PBX1: variants seen among roughly 807,000 people sequenced by gnomAD.
PBX1 encodes the protein PBX homeobox 1.
PBX1 carries 6 observed loss-of-function variants against 53.4 expected under a neutral mutation model. That is an observed-to-expected ratio of 0.11 (90% CI 0.06 to 0.22). PBX1 has a LOEUF of 0.22. Ranked by LOEUF, PBX1 falls within the 10% of genes least tolerant of loss-of-function variation. The pLI is 1.00. For missense variants in PBX1, 251 were observed against 551.4 expected, an observed-to-expected ratio of 0.46 and a Z score of 5.46; for synonymous variants, 204 against 212.3, an observed-to-expected ratio of 0.96 and a Z score of 0.34.
At chr1:164,871,016 A>G (rs1484594964) in intron 2 of PBX1, among the ~76,000 whole-genome samples, 1 of 152,236 alleles carries the variant, frequency 6.6e-6, no homozygotes. Flanking sequence ...TATAATCATT[A>G]TTTCATCCTA....
intron 2 of PBX1, among the ~76,000 whole-genome samples, chr1:164,705,914 G>T (rs1161502268): frequency 6.6e-6 from 1 of 152,158 alleles, no homozygotes; most frequent in Non-Finnish European, 1.5e-5. Context: ...TGTGTGAATG[G>T]CACTTTGATC....
intron 2 of PBX1, among the ~76,000 whole-genome samples, chr1:164,636,841 G>A (rs146880926): frequency 1.1e-4 from 16 of 152,274 alleles, no homozygotes; most frequent in Admixed American, 5.2e-4. Flanking sequence ...GGGAGAAACC[G>A]TGGGCTGAGT....
At chr1:164,721,315 G>A (rs1208597883) in intron 2 of PBX1, among the ~76,000 whole-genome samples, 1 of 151,904 alleles carries the variant, frequency 6.6e-6, no homozygotes, top group Non-Finnish European at 1.5e-5. Flanking sequence ...TATGAACCTG[G>A]GAGCCATGGG....
intron 2 of PBX1, among the ~76,000 whole-genome samples, chr1:164,635,403 G>A (rs537101529): frequency 2.1e-4 from 32 of 152,294 alleles, no homozygotes; most frequent in Admixed American, 1.1e-3. Context: ...TTCTCAGTGC[G>A]ACTTAGTAAA....
chr1:164,563,160 A>C, intron 1 of PBX1, 78 bp from the exon 2 acceptor site: 1 of 986,040 alleles, frequency 1.0e-6, no homozygotes, highest in East Asian at 2.4e-5. Context: ...TAAATGTTCA[A>C]ATGTTTTCAC....
At chr1:164,801,295 T>TGC (rs1669056959) in intron 4 of PBX1, among the ~76,000 whole-genome samples, 1 of 152,302 alleles carries the variant, frequency 6.6e-6, no homozygotes, top group African/African-American at 2.4e-5. Flanking sequence ...GCTTCTGTAA[T>TGC]GCAGCCCGTT....
chr1:164,701,683 A>G (rs183263927), intron 2 of PBX1, among the ~76,000 whole-genome samples: 3 of 152,330 alleles, frequency 2.0e-5, no homozygotes, highest in African/African-American at 7.2e-5. Flanking sequence ...ACTATTCAAG[A>G]GTAATTAAAA....
chr1:164,861,501 C>T (rs140584509), intron 2 of PBX1, among the ~76,000 whole-genome samples: 83 of 152,108 alleles, frequency 5.5e-4, no homozygotes, highest in African/African-American at 1.5e-3. Flanking sequence ...GAACAAATAC[C>T]TCCCCACCGC....
intron 2 of PBX1, among the ~76,000 whole-genome samples, chr1:164,608,332 G>A (rs371146820): frequency 4.6e-5 from 7 of 152,304 alleles, no homozygotes; most frequent in African/African-American, 1.7e-4. Flanking sequence ...CCTGAGTGAG[G>A]TGAGCCACCT....
intron 2 of PBX1, among the ~76,000 whole-genome samples, chr1:164,568,845 A>G (rs1202508277): frequency 6.6e-6 from 1 of 152,228 alleles, no homozygotes; most frequent in Non-Finnish European, 1.5e-5. Flanking sequence ...AGGGGAAAAA[A>G]GGTGCAGGAA....
intron 2 of PBX1, among the ~76,000 whole-genome samples, chr1:164,638,572 A>G (rs1022142810): frequency 1.3e-5 from 2 of 152,232 alleles, no homozygotes; most frequent in Admixed American, 1.3e-4. Flanking sequence ...TGATAAAGAC[A>G]CACACATACA....
intron 2 of PBX1, among the ~76,000 whole-genome samples, chr1:164,671,042 T>C (rs1257754417): frequency 2.0e-5 from 3 of 152,178 alleles, no homozygotes; most frequent in African/African-American, 7.2e-5. Flanking sequence ...AATGATGTGG[T>C]GCTCCTTATG....
At chr1:164,807,403 C>A (rs1223147558) in intron 4 of PBX1, 139 bp from the exon 5 acceptor site, 2 of 1,000,706 alleles carry the variant, frequency 2.0e-6, no homozygotes, top group Admixed American at 2.7e-5. Context: ...TTTTGGCATC[C>A]AGCCCCTTTT....
intron 2 of PBX1, among the ~76,000 whole-genome samples, chr1:164,783,439 G>A (rs759902521): frequency 2.7e-4 from 41 of 152,028 alleles, no homozygotes; most frequent in Non-Finnish European, 4.4e-4. Flanking sequence ...TATATTCTTG[G>A]CTTATCCTGG....
chr1:164,702,814 G>A lies in PBX1; in HGVS notation c.266-89680G>A, dbSNP rs565553684. On this transcript the variant is annotated intron_variant, in intron 2 of 8. Transcript: ENST00000420696. ...GATGAGGAGGAAAATTCTTCTTCTC[G>A]TTGACATTGTGTAGGTCTGTGTGTA... Among the ~76,000 whole-genome samples, 34 of 152,164 alleles carry A rather than the reference G, an allele frequency of 2.2e-4. 2 individuals are homozygous for A. In the South Asian group the frequency reaches 5.4e-3, roughly 24 times the overall value.
chr1:164,773,243 G>GCACACACACACACACACACACACACA (rs60518864), intron 2 of PBX1, among the ~76,000 whole-genome samples: 29 of 147,780 alleles, frequency 2.0e-4, no homozygotes, highest in Admixed American at 6.7e-4. Flanking sequence ...GGTAACACGC[G>GCACACACACACACACACACACACACA]CACACACACA....
rs1363642676 is a variant in PBX1, at chr1:164,845,503, G to GTTC, written c.1201-1081_1201-1080insTTC. Among the ~76,000 whole-genome samples, 14 of 152,204 alleles carry GTTC rather than the reference G, an allele frequency of 9.2e-5. No individual in the cohort carries two copies. In the East Asian group the frequency reaches 2.7e-3, roughly 29 times the overall value. On this transcript the variant is annotated intron_variant, in intron 8 of 8. Coordinates refer to ENST00000420696, the MANE Select transcript of PBX1 (RefSeq NM_002585.4). Reference sequence around the variant, plus strand: ...TGATCTGTTCAACGTGAACTACAAAGGAACACAGTAATCGAAGGGGGGAAA... The same window carrying GTTC: ...TGATCTGTTCAACGTGAACTACAAAGTTCGAACACAGTAATCGAAGGGGGGAAA...
At chr1:164,566,941 G>C (rs1163042610) in intron 2 of PBX1, among the ~76,000 whole-genome samples, 1 of 151,996 alleles carries the variant, frequency 6.6e-6, no homozygotes, top group Non-Finnish European at 1.5e-5. Flanking sequence ...TTTATTTTTT[G>C]CTCCTTAACA....
chr1:164,831,026 T>C (rs1670727851), intron 8 of PBX1, among the ~76,000 whole-genome samples: 1 of 152,216 alleles, frequency 6.6e-6, no homozygotes, highest in South Asian at 2.1e-4. Flanking sequence ...TAAGGATACC[T>C]TTTAAAATGT....
Sources: allele counts gnomAD v4.1 joint callset (sites outside exome capture counted in the v4.1 genomes callset), GRCh38; gene constraint gnomAD v4.1.1; transcripts MANE v1.5; gene names NCBI Gene and HGNC (gene_info 2026-07-23, HGNC 2026-07-21).